Variants in RYK observed in about 807,000 individuals in gnomAD.
RYK encodes receptor like tyrosine kinase, also known as inactive tyrosine-protein kinase RYK.
In RYK, 21 loss-of-function variants were observed where a neutral mutation model predicts 70.2. The ratio of observed to expected loss-of-function variants is 0.30; its 90% CI spans 0.21 to 0.43. The LOEUF (loss-of-function observed/expected upper bound fraction) is 0.43. Among genes scored for constraint, RYK ranks in the 20% least tolerant of loss-of-function variants. RYK has a pLI of 1.00. For missense variants in RYK, 604 were observed against 753.3 expected (o/e 0.80, Z 2.32); for synonymous variants, 267 against 278.0 (o/e 0.96, Z 0.39).
rs564045014 is a variant in RYK, at chr3:134,237,811, T to C, written c.232+12612A>G. On this transcript the variant is annotated intron_variant, in intron 1 of 14. Transcript: ENST00000623711. Reference sequence around the variant, plus strand: ...TTTCCTAGTGTCAGCCAAAACACTATTATTTTATTATATCATCCACAGTTT... The same window carrying C: ...TTTCCTAGTGTCAGCCAAAACACTACTATTTTATTATATCATCCACAGTTT... 3.3e-5 allele frequency among the ~76,000 whole-genome samples: 5 copies of C among 152,370 alleles called. No homozygotes were observed. The East Asian group carries it at 9.6e-4, about 29-fold the overall frequency.
chr3:134,250,294 C>T lies in RYK; in HGVS notation c.232+129G>A, dbSNP rs543617443. The T allele has an allele frequency of 1.4e-4, 55 of 404,572 alleles. No individual in the cohort carries two copies. The South Asian group carries it at 4.0e-3, about 29-fold the overall frequency. The allele number at this position is 404,572 out of a possible 1,614,324, so 25.1% of individuals were successfully genotyped here. A position where few individuals can be genotyped will look rare whatever the true frequency, so the allele number is the denominator to read the frequency against. On this transcript the variant is annotated intron_variant, in intron 1 of 14. Transcript: ENST00000623711. The stretch of plus-strand genomic sequence containing the variant: ...GGCAGGCAGAGACCGGGCCGCGAGG[C>T]GAATCCGGGCGCGGGGGGCGGGGAG...
intron 1 of RYK, among the ~76,000 whole-genome samples, chr3:134,228,319 G>A (rs1036354251): frequency 7.9e-5 from 12 of 152,044 alleles, no homozygotes; most frequent in Admixed American, 4.6e-4. Flanking sequence ...ACTACCATAT[G>A]ACCCAGCAAT....
At chr3:134,200,506 AT>A (rs754581674) in intron 6 of RYK, among the ~76,000 whole-genome samples, 5 of 152,232 alleles carry the variant, frequency 3.3e-5, no homozygotes, top group Non-Finnish European at 7.3e-5. Context: ...CCGCGGCTTC[AT>A]TCTTGAAGTC....
intron 1 of RYK, among the ~76,000 whole-genome samples, chr3:134,249,916 CGT>C (rs2015563570): frequency 1.2e-5 from 1 of 86,596 alleles, no homozygotes; most frequent in African/African-American, 8.1e-5. Flanking sequence ...CTTTCTCTCT[CGT>C]TTTTTTTTTT....
Position 134,202,533 on chromosome 3 carries a change from ACTT to A in RYK, c.788+194_788+196del. ...TCAACAACTAAAAAACTAATTTCTGACTTCTTAATTTTTAAAAAATAAAAATAA... is the reference window on the plus strand; with the variant it reads ...TCAACAACTAAAAAACTAATTTCTGACTTAATTTTTAAAAAATAAAAATAA... On this transcript the variant is annotated intron_variant, in intron 6 of 14. Transcript: ENST00000623711. 7 of 509,190 alleles carry A rather than the reference ACTT, an allele frequency of 1.4e-5. No individual in the cohort carries two copies. In the South Asian group the frequency reaches 1.5e-4, roughly 11 times the overall value. The allele number at this position is 509,190 out of a possible 1,614,324, so 31.5% of individuals were successfully genotyped here.
At chr3:134,248,802 A>C (rs1279918469) in intron 1 of RYK, among the ~76,000 whole-genome samples, 5 of 152,170 alleles carry the variant, frequency 3.3e-5, no homozygotes, top group Non-Finnish European at 5.9e-5. Flanking sequence ...CCGTCTAAAA[A>C]AAAATTAACT....
At chr3:134,231,065 A>G (rs925272788) in intron 1 of RYK, among the ~76,000 whole-genome samples, 2 of 152,070 alleles carry the variant, frequency 1.3e-5, no homozygotes, top group African/African-American at 4.8e-5. Context: ...ACTGGTAATA[A>G]TAACAAAAAA....
At chr3:134,188,792 G>A (rs1433632437) in intron 9 of RYK, 45 bp downstream of exon 9, 2 of 1,209,258 alleles carry the variant, frequency 1.7e-6, no homozygotes, top group East Asian at 2.5e-5. Context: ...GGAGCCACCT[G>A]AGACAGAAGA....
rs139870425 is a variant in RYK at position 134,246,343 on chromosome 3, C to CAGAG, written c.232+4076_232+4079dup. 5.1e-3 allele frequency among the ~76,000 whole-genome samples: 540 copies of CAGAG among 105,782 alleles called. 13 individuals carry two copies. The highest frequency in any genetic ancestry group is 0.016 in the African/African-American group (458 of 28,954). 69.4% of individuals were successfully genotyped at this position (105,782 alleles called of 152,430 possible). On this transcript the variant is annotated intron_variant, in intron 1 of 14. Transcript: ENST00000623711. ...ACACACACACACACACACACACACACAGAGAGAGAGAAAATAAAGGGTGGG... is the reference window on the plus strand; with the variant it reads ...ACACACACACACACACACACACACACAGAGAGAGAGAGAGAAAATAAAGGGTGGG...
intron 9 of RYK, among the ~76,000 whole-genome samples, chr3:134,188,167 A>ATATATT (rs1363782363): frequency 2.3e-5 from 3 of 130,228 alleles, no homozygotes; most frequent in African/African-American, 8.5e-5. Context: ...ATATATATAT[A>ATATATT]TTTTTTTTTT....
intron 13 of RYK, among the ~76,000 whole-genome samples, chr3:134,160,325 G>A (rs2012414305): frequency 6.6e-6 from 1 of 151,588 alleles, no homozygotes; most frequent in South Asian, 2.1e-4. Context: ...ATTTTAATGA[G>A]TAAAAGAGAA....
At chr3:134,244,116 A>C (rs1169407099) in intron 1 of RYK, among the ~76,000 whole-genome samples, 1 of 152,128 alleles carries the variant, frequency 6.6e-6, no homozygotes, top group Admixed American at 6.5e-5. Context: ...TTAATTTCTA[A>C]CTGGTGGGAG....
At chr3:134,218,077 T>C (rs2014614882) in intron 2 of RYK, among the ~76,000 whole-genome samples, 1 of 152,234 alleles carries the variant, frequency 6.6e-6, no homozygotes, top group Non-Finnish European at 1.5e-5. Flanking sequence ...TTTAGGTTTA[T>C]ATTCAACCCA....
At chr3:134,225,321 A>T (rs2014875169) in intron 1 of RYK, among the ~76,000 whole-genome samples, 1 of 152,250 alleles carries the variant, frequency 6.6e-6, no homozygotes, top group Admixed American at 6.5e-5. Flanking sequence ...GAAGAAAATT[A>T]CATGAGGCAG....
At chr3:134,161,289 T>C (rs2012462952) in intron 13 of RYK, among the ~76,000 whole-genome samples, 1 of 152,232 alleles carries the variant, frequency 6.6e-6, no homozygotes, top group Non-Finnish European at 1.5e-5. Flanking sequence ...AGGTTTACAC[T>C]ATAAAGCCTA....
intron 2 of RYK, among the ~76,000 whole-genome samples, chr3:134,212,731 G>C (rs955988669): frequency 6.6e-6 from 1 of 152,136 alleles, no homozygotes; most frequent in African/African-American, 2.4e-5. Flanking sequence ...AGAAAAGAGG[G>C]AAAGAGTATC....
intron 1 of RYK, among the ~76,000 whole-genome samples, chr3:134,242,459 T>C (rs2015348823): frequency 1.3e-5 from 2 of 152,228 alleles, no homozygotes; most frequent in African/African-American, 2.4e-5. Context: ...CCTTCACAAA[T>C]GAATGCTGTT....
chr3:134,159,409 T>C, intron 13 of RYK, 36 bp from the exon 14 acceptor site: 1 of 1,548,054 alleles, frequency 6.5e-7, no homozygotes. Flanking sequence ...AGGGGACATT[T>C]AAAACAACAG....
chr3:134,209,653 T>G, intron 4 of RYK, 42 bp downstream of exon 4: 1 of 1,328,034 alleles, frequency 7.5e-7, no homozygotes, highest in Non-Finnish European at 1.0e-6. Context: ...TTTCACCTTC[T>G]CACATACATG....
Sources: gnomAD v4.1 joint callset for allele counts (sites outside exome capture counted in the v4.1 genomes callset) on GRCh38, gnomAD v4.1.1 for gene constraint, MANE v1.5 for transcripts, NCBI Gene and HGNC (gene_info 2026-07-23, HGNC 2026-07-21) for gene names.